CDK14: variants seen among roughly 807,000 people sequenced by gnomAD.
CDK14 encodes the protein cyclin-dependent kinase 14.
Under a neutral mutation model 60.7 loss-of-function variants are expected in CDK14, and 34 were observed. The observed-to-expected ratio is 0.56, with a 90% confidence interval of 0.43 to 0.75. The LOEUF is 0.75. CDK14 is among the 30% of genes least tolerant of loss of function. The probability of loss-of-function intolerance (pLI) is 0.00; values close to 1 mark genes in which losing one functional copy is unlikely to be tolerated. For synonymous variants in CDK14, 197 were observed against 203.7 expected (o/e 0.97, Z 0.28); for missense variants, 482 against 564.1 (o/e 0.85, Z 1.47).
In CDK14 at chr7:90,599,718, T is replaced by C. The variant is rs562556765; in HGVS notation, c.91+3000T>C. Among the ~76,000 whole-genome samples the C allele has an allele frequency of 2.6e-5, 4 of 152,348 alleles. 1 individual carries two copies. The highest frequency in any genetic ancestry group is 9.6e-5 in the African/African-American group (4 of 41,578). On this transcript the variant is annotated intron_variant, in intron 1 of 14. Transcript: ENST00000380050. Reference sequence around the variant, plus strand: ...TCCACACTGCAACATATTCATTCTCTTTAACCAATCTAAGCTTTTGAAATA... The same window carrying C: ...TCCACACTGCAACATATTCATTCTCCTTAACCAATCTAAGCTTTTGAAATA...
intron 9 of CDK14, among the ~76,000 whole-genome samples, chr7:90,963,167 G>A (rs1794655129): frequency 6.6e-6 from 1 of 150,826 alleles, no homozygotes; most frequent in South Asian, 2.1e-4. Context: ...GCTTACACCT[G>A]TAATCCCAGC....
intron 2 of CDK14, 173 bp from the exon 3 acceptor site, chr7:90,726,394 A>C: frequency 7.9e-7 from 1 of 1,267,804 alleles, no homozygotes; most frequent in Non-Finnish European, 1.1e-6. Context: ...AAACACAATG[A>C]TTGTGAGGAT....
chr7:90,651,224 G>A (rs763555626), intron 2 of CDK14, among the ~76,000 whole-genome samples: 240 of 152,272 alleles, frequency 1.6e-3, no homozygotes, highest in Non-Finnish European at 2.9e-3. Context: ...AAGCAATTGT[G>A]AATGGGAGTT....
intron 4 of CDK14, among the ~76,000 whole-genome samples, chr7:90,777,019 A>T (rs2116914714): frequency 2.0e-5 from 1 of 49,784 alleles, no homozygotes; most frequent in Middle Eastern, 7.5e-3. Context: ...AGTTAGTTAA[A>T]AAAAAAAAAA....
At chr7:91,194,501 G>GTTTT (rs754293665) in intron 14 of CDK14, among the ~76,000 whole-genome samples, 1 of 151,872 alleles carries the variant, frequency 6.6e-6, no homozygotes. Flanking sequence ...GGCTGTGGGG[G>GTTTT]TTTTTCCCCC....
intron 12 of CDK14, among the ~76,000 whole-genome samples, chr7:91,090,668 A>G (rs1798776354): frequency 6.6e-6 from 1 of 152,160 alleles, no homozygotes; most frequent in Non-Finnish European, 1.5e-5. Context: ...TTTATTATAT[A>G]GCTATAGGCT....
intron 7 of CDK14, among the ~76,000 whole-genome samples, chr7:90,915,993 A>G (rs529754403): frequency 6.6e-5 from 10 of 152,366 alleles, no homozygotes; most frequent in African/African-American, 2.4e-4. Flanking sequence ...GCAGAATGGC[A>G]AACTGTTTCC....
chr7:90,752,489 A>T (rs1486581126), intron 4 of CDK14, among the ~76,000 whole-genome samples: 1 of 152,152 alleles, frequency 6.6e-6, no homozygotes, highest in Non-Finnish European at 1.5e-5. Context: ...AAATCATACC[A>T]AAATCCTTGG....
At chr7:90,828,904 G>A (rs1370970846) in intron 5 of CDK14, among the ~76,000 whole-genome samples, 1 of 152,152 alleles carries the variant, frequency 6.6e-6, no homozygotes, top group Non-Finnish European at 1.5e-5. Flanking sequence ...ATACTGCTGT[G>A]AAGAACTACT....
intron 6 of CDK14, among the ~76,000 whole-genome samples, chr7:90,887,692 A>T (rs1791992436): frequency 6.6e-6 from 1 of 152,174 alleles, no homozygotes; most frequent in South Asian, 2.1e-4. Flanking sequence ...TGCATTGTAA[A>T]ATCTTAATAA....
At chr7:90,930,529 CTTTTTTTTTTTTT>C (rs61187542) in intron 8 of CDK14, among the ~76,000 whole-genome samples, 12 of 81,372 alleles carry the variant, frequency 1.5e-4, no homozygotes, top group South Asian at 4.4e-4. Context: ...ACAGGCTAAG[CTTTTTTTTTTTTT>C]TTTTTTTTTT....
intron 5 of CDK14, among the ~76,000 whole-genome samples, chr7:90,837,758 A>G (rs1431881402): frequency 1.3e-5 from 2 of 151,966 alleles, no homozygotes; most frequent in Non-Finnish European, 1.5e-5. Context: ...TGGTCAGGGG[A>G]AGGTGGGCAG....
chr7:90,718,571 T>C (rs1326085598), intron 2 of CDK14, among the ~76,000 whole-genome samples: 1 of 152,142 alleles, frequency 6.6e-6, no homozygotes, highest in African/African-American at 2.4e-5. Flanking sequence ...TTTGCATGTA[T>C]ATTAGATAAT....
At chr7:91,091,538 A>G (rs1235625364) in intron 12 of CDK14, among the ~76,000 whole-genome samples, 1 of 120,250 alleles carries the variant, frequency 8.3e-6, no homozygotes, top group Non-Finnish European at 1.7e-5. Context: ...GCATGGTGGC[A>G]TATGCCTGTA....
At position 90,863,670 on chromosome 7, in the gene CDK14, A is replaced by ATGTGTGTGTGTGTGTGTGTGTGTGTGTG. The variant is rs111580477; in HGVS notation, c.639+428_639+429insGTGTGTGTGTGTGTGTGTGTGTGTGTGT. ...TTCTCAAAAGCATGCTTATTAAGATATGTGTGTGTGTGTGTGTGTGTGTGT... is the reference window on the plus strand; with the variant it reads ...TTCTCAAAAGCATGCTTATTAAGATATGTGTGTGTGTGTGTGTGTGTGTGTGTGTGTGTGTGTGTGTGTGTGTGTGTGT... On this transcript the variant is annotated intron_variant, in intron 6 of 14. Transcript: ENST00000380050. Among the ~76,000 whole-genome samples, 135 of 145,924 alleles carry ATGTGTGTGTGTGTGTGTGTGTGTGTGTG rather than the reference A, an allele frequency of 9.3e-4. 1 individual carries two copies. The highest frequency in any genetic ancestry group is 1.7e-3 in the Non-Finnish European group (112 of 66,162).
intron 9 of CDK14, among the ~76,000 whole-genome samples, chr7:90,977,059 C>T (rs190421016): frequency 5.9e-5 from 9 of 152,142 alleles, no homozygotes; most frequent in East Asian, 5.8e-4. Flanking sequence ...GTAGTTTTAC[C>T]GTTTTGGGCC....
chr7:91,114,655 T>C (rs186112092), intron 13 of CDK14, among the ~76,000 whole-genome samples: 6 of 152,246 alleles, frequency 3.9e-5, no homozygotes, highest in Non-Finnish European at 5.9e-5. Context: ...AGAATAAAGA[T>C]GAAAAATCAT....
chr7:91,197,891 C>A (rs1020399704), intron 14 of CDK14, among the ~76,000 whole-genome samples: 1 of 152,228 alleles, frequency 6.6e-6, no homozygotes, highest in Non-Finnish European at 1.5e-5. Context: ...GAGGGCTTTA[C>A]ATGTAGTACA....
chr7:90,813,474 G>A lies in CDK14; in HGVS notation c.544+22822G>A, dbSNP rs113566672. Among the ~76,000 whole-genome samples, 1,346 of 152,278 alleles carry A rather than the reference G, an allele frequency of 8.8e-3. 28 individuals carry two copies. Among genetic ancestry groups the A allele is most frequent in the African/African-American group, 0.028 (1,174 of 41,560 alleles). ...ACAAAAATGACTGATCTGGCTGGGC[G>A]TGGTGGCTCATGCCTGTAATCCCAG... On this transcript the variant is annotated intron_variant, in intron 5 of 14. Transcript: ENST00000380050.
Sources: allele counts gnomAD v4.1 joint callset (sites outside exome capture counted in the v4.1 genomes callset), GRCh38; gene constraint gnomAD v4.1.1; transcripts MANE v1.5; gene names NCBI Gene and HGNC (gene_info 2026-07-23, HGNC 2026-07-21).